OVCH1: variants seen among roughly 807,000 people sequenced by gnomAD.
The protein encoded by OVCH1 is ovochymase-1.
In OVCH1, 139 loss-of-function variants were observed where a neutral mutation model predicts 138.4. The ratio of observed to expected loss-of-function variants is 1.00; its 90% CI spans 0.87 to 1.16. The LOEUF is 1.16. OVCH1 is among the 50% of genes most tolerant of loss of function. The pLI, the probability that OVCH1 is intolerant of heterozygous loss-of-function variation, is 0.00. For synonymous variants in OVCH1, 453 were observed against 467.8 expected (o/e 0.97, Z 0.41); for missense variants, 1,367 against 1,357.9 (o/e 1.01, Z -0.11).
intron 16 of OVCH1, among the ~76,000 whole-genome samples, chr12:29,465,999 A>C (rs899899081): frequency 6.6e-6 from 1 of 151,442 alleles, no homozygotes; most frequent in Admixed American, 6.6e-5. Flanking sequence ...TCGCAAGGGC[A>C]AAAAACCAGA....
rs1254438920 is a variant in OVCH1, at chr12:29,433,755, CTTAAA to C, written c.3318_3322del (p.Asn1106LysfsTer3). ...AGTCCCTTATGATATACTTACATAA[CTTAAA>C]TTTGATGCAAATTTCTTCTGTTTTC... is the stretch of plus-strand genomic sequence containing the variant. On this transcript the variant is annotated frameshift_variant, in exon 27 of 28. Coordinates refer to ENST00000318184, the Ensembl canonical transcript of OVCH1. LOFTEE classifies it high-confidence loss of function. The C allele has an allele frequency of 4.9e-6, 7 of 1,424,960 alleles. No homozygotes were observed. The highest frequency in any genetic ancestry group is 2.0e-4 in the Middle Eastern group (1 of 5,094). The allele number at this position is 1,424,960 out of a possible 1,614,324, so 88.3% of individuals were successfully genotyped here. A position where few individuals can be genotyped will look rare whatever the true frequency, so the allele number is the denominator to read the frequency against.
exon 8 of OVCH1, chr12:29,486,340 G>A (rs771073063): frequency 7.4e-6 from 12 of 1,611,954 alleles, no homozygotes; most frequent in East Asian, 2.2e-5. Context: ...GGTTGGCCCC[G>A]ATCCAAACCT....
chr12:29,476,771 A>G (rs143814313), intron 12 of OVCH1, among the ~76,000 whole-genome samples: 1,061 of 86,694 alleles, frequency 0.012, 13 homozygotes, highest in Middle Eastern at 0.025. Flanking sequence ...ACACACACAC[A>G]CACACACACA....
At chr12:29,446,808 T>G (rs1339127001) in intron 22 of OVCH1, among the ~76,000 whole-genome samples, 5 of 152,158 alleles carry the variant, frequency 3.3e-5, no homozygotes, top group East Asian at 3.9e-4. Flanking sequence ...TATTTCAGCA[T>G]GATTTTTAAA....
chr12:29,455,484 C>T (rs1941922547), intron 19 of OVCH1, 79 bp from the exon 20 acceptor site: 3 of 1,415,870 alleles, frequency 2.1e-6, no homozygotes, highest in Admixed American at 4.9e-5. Context: ...ACAAGAATGA[C>T]CAATAATGTA....
chr12:29,436,786 T>C (rs137975967), intron 26 of OVCH1, among the ~76,000 whole-genome samples: 7 of 152,234 alleles, frequency 4.6e-5, no homozygotes, highest in Admixed American at 1.3e-4. Context: ...CTCACTGACT[T>C]CAGGAGTGAA....
At chr12:29,451,505 C>T in exon 22 of OVCH1, 1 of 1,613,212 alleles carries the variant, frequency 6.2e-7, no homozygotes, top group Non-Finnish European at 8.5e-7. Flanking sequence ...CTCTATAATC[C>T]AGTAGATACC....
Position 29,416,216 on chromosome 12 carries a change from C to G in OVCH1, c.*72-3491G>C, listed in dbSNP as rs142445885. Among the ~76,000 whole-genome samples, 1,180 of 151,878 alleles carry G rather than the reference C, an allele frequency of 7.8e-3. 10 individuals are homozygous for G. Among genetic ancestry groups the G allele is most frequent in the Non-Finnish European group, 0.012 (791 of 67,936 alleles). On this transcript the variant is annotated intron_variant and NMD_transcript_variant, in intron 3 of 4. Transcript: ENST00000539117. ...AAAGTGTAAGGCTAAGGCTATAGAA[C>G]TTTTAGGAAGAGCAAAGGAAAAAAT...
At chr12:29,472,904 A>T in intron 15 of OVCH1, 125 bp downstream of exon 15, 1 of 789,800 alleles carries the variant, frequency 1.3e-6, no homozygotes, top group Non-Finnish European at 2.0e-6. Context: ...TATGGACCTA[A>T]ATATAAGACT....
At chr12:29,422,801 T>G (rs1341402647), downstream of OVCH1, among the ~76,000 whole-genome samples, 1 of 152,164 alleles carries the variant, frequency 6.6e-6, no homozygotes, top group Non-Finnish European at 1.5e-5. Context: ...GTAGAAGAGA[T>G]ATGGTAAGAG....
intron 19 of OVCH1, among the ~76,000 whole-genome samples, chr12:29,455,620 T>C (rs958209619): frequency 1.1e-4 from 16 of 152,170 alleles, no homozygotes; most frequent in Admixed American, 9.8e-4. Flanking sequence ...GATTCCAGGG[T>C]GAAGATAAAG....
At chr12:29,446,772 G>T (rs1051897070) in intron 22 of OVCH1, among the ~76,000 whole-genome samples, 2 of 151,862 alleles carry the variant, frequency 1.3e-5, no homozygotes, top group Non-Finnish European at 2.9e-5. Flanking sequence ...AGCAGGTATA[G>T]AGTCACTTTG....
chr12:29,430,009 C>T (rs1941242117), intron 27 of OVCH1, among the ~76,000 whole-genome samples: 1 of 152,156 alleles, frequency 6.6e-6, no homozygotes, highest in African/African-American at 2.4e-5. Context: ...AACTGTAAAT[C>T]CATTAAGTCA....
In OVCH1 at chr12:29,496,689, ATG is replaced by A. The variant is rs765919601; in HGVS notation, c.65-17_65-16del. On this transcript the variant is annotated splice_polypyrimidine_tract_variant and intron_variant, in intron 1 of 27. Coordinates refer to ENST00000318184, the Ensembl canonical transcript of OVCH1. ...ACACTTCAGTCCTGTGTAGAAGAGC[ATG>A]TGTGTGTGCACACACAGAGCCTTAT... 17 of 1,568,612 alleles carry A rather than the reference ATG, an allele frequency of 1.1e-5. No homozygotes were observed. Among genetic ancestry groups the A allele is most frequent in the Non-Finnish European group, 1.4e-5 (16 of 1,143,576 alleles).
the OVCH1 span, among the ~76,000 whole-genome samples, chr12:29,406,182 GACTT>G: frequency 1.4e-5 from 2 of 143,954 alleles, no homozygotes; most frequent in African/African-American, 2.4e-5. Context: ...ATAGAAATGA[GACTT>G]ACAAATATTA....
rs940104677 is a variant in OVCH1 at position 29,417,916 on chromosome 12, T to C, written c.*72-5191A>G. 3.3e-5 allele frequency among the ~76,000 whole-genome samples: 5 copies of C among 152,242 alleles called. No individual in the cohort carries two copies. In the South Asian group the frequency reaches 1.0e-3, roughly 32 times the overall value. Reference sequence around the variant, plus strand: ...AGAACAGAAAGCAAATGATGGGCTATGATTAATGGTTTGCAGGATGGAAGC... The same window carrying C: ...AGAACAGAAAGCAAATGATGGGCTACGATTAATGGTTTGCAGGATGGAAGC... On this transcript the variant is annotated intron_variant and NMD_transcript_variant, in intron 3 of 4. Transcript: ENST00000539117.
intron 8 of OVCH1, among the ~76,000 whole-genome samples, chr12:29,485,729 T>C (rs1943077738): frequency 6.6e-6 from 1 of 150,646 alleles, no homozygotes; most frequent in South Asian, 2.1e-4. Context: ...TGAGCCGAGA[T>C]TGTGCCACTG....
At chr12:29,457,625 G>C (rs919407355) in intron 19 of OVCH1, among the ~76,000 whole-genome samples, 6 of 151,680 alleles carry the variant, frequency 4.0e-5, no homozygotes, top group Non-Finnish European at 8.8e-5. Context: ...GGATGGTCTC[G>C]ATCTGCTGAC....
chr12:29,487,154 C>T (rs1172709135), intron 7 of OVCH1: 1 of 223,914 alleles, frequency 4.5e-6, no homozygotes, highest in Non-Finnish European at 9.1e-6. Flanking sequence ...TTTCTGCATT[C>T]AACTGCTTGT....
Sources: gnomAD v4.1 joint callset for allele counts (sites outside exome capture counted in the v4.1 genomes callset) on GRCh38, gnomAD v4.1.1 for gene constraint, MANE v1.5 for transcripts, NCBI Gene and HGNC (gene_info 2026-07-23, HGNC 2026-07-21) for gene names.